GPSM1: variants seen among roughly 807,000 people sequenced by gnomAD.
GPSM1 encodes G protein signaling modulator 1.
GPSM1 carries 48 observed loss-of-function variants against 70.5 expected under a neutral mutation model. The observed-to-expected ratio is 0.68, with a 90% CI of 0.54 to 0.87. GPSM1 has a LOEUF of 0.87. GPSM1 is among the 40% of genes least tolerant of loss of function. The pLI is 0.00. For missense variants in GPSM1, 981 were observed against 972.6 expected, an observed-to-expected ratio of 1.01 and a Z score of -0.11; for synonymous variants, 416 against 430.1, an observed-to-expected ratio of 0.97 and a Z score of 0.41.
chr9:136,338,269 T>C (rs1396562158), intron 6 of GPSM1, among the ~76,000 whole-genome samples: 1 of 152,148 alleles, frequency 6.6e-6, no homozygotes, highest in East Asian at 1.9e-4. Context: ...CTTAACCCCA[T>C]CTCAGCCTGA....
At chr9:136,332,093 C>A in intron 1 of GPSM1, 1 of 399,364 alleles carries the variant, frequency 2.5e-6, no homozygotes, top group Non-Finnish European at 4.4e-6. Context: ...GCGCCCCCCG[C>A]CCCCGCCCGC....
chr9:136,333,028 A>G (rs554900306), intron 1 of GPSM1, among the ~76,000 whole-genome samples: 1 of 152,108 alleles, frequency 6.6e-6, no homozygotes, highest in Non-Finnish European at 1.5e-5. Context: ...AATAATGGTA[A>G]CATAAGTTTT....
At chr9:136,346,549 A>G (rs1832527227) in intron 9 of GPSM1, among the ~76,000 whole-genome samples, 1 of 152,008 alleles carries the variant, frequency 6.6e-6, no homozygotes, top group Non-Finnish European at 1.5e-5. Context: ...ACTGCCATTC[A>G]CTAGGTGGCA....
In GPSM1 at chr9:136,340,089, C is replaced by T. The variant is rs1554769943; in HGVS notation, c.1083+274C>T. On this transcript the variant is annotated intron_variant, in intron 8 of 13. Coordinates refer to ENST00000440944, the MANE Select transcript of GPSM1 (RefSeq NM_001145638.3). The surrounding 1 kb of genome is among the most constrained non-coding windows in gnomAD (Gnocchi z 7.3). Reference sequence around the variant, plus strand: ...GGTCTCTGTGGGCTCCGCCCATCAGCGCCCTCCTACTGTGGTCAGGGCGGA... The same window carrying T: ...GGTCTCTGTGGGCTCCGCCCATCAGTGCCCTCCTACTGTGGTCAGGGCGGA... Among the ~76,000 whole-genome samples, 2 of 152,228 alleles carry T rather than the reference C, an allele frequency of 1.3e-5. No individual in the cohort carries two copies. The highest frequency in any genetic ancestry group is 2.9e-5 in the Non-Finnish European group (2 of 68,030).
At chr9:136,333,087 G>A (rs28626972) in intron 1 of GPSM1, among the ~76,000 whole-genome samples, 8,538 of 152,252 alleles carry the variant, frequency 0.056, 357 homozygotes, top group African/African-American at 0.098. Flanking sequence ...TGATGGGGCC[G>A]GCCTGCAAGC....
chr9:136,336,759 C>G (rs1238027885), intron 3 of GPSM1, among the ~76,000 whole-genome samples, 162 bp from the exon 4 acceptor site: 2 of 152,144 alleles, frequency 1.3e-5, no homozygotes, highest in African/African-American at 2.4e-5. Context: ...CCGGGTGTGC[C>G]GTCCTCAGGC....
At chr9:136,351,014 C>T (rs572576563) in intron 11 of GPSM1, among the ~76,000 whole-genome samples, 18 of 152,306 alleles carry the variant, frequency 1.2e-4, no homozygotes, top group African/African-American at 2.9e-4. Context: ...GGGCCGAGTC[C>T]GGGTTCGGAG....
At chr9:136,327,821 G>C in intron 1 of GPSM1, 58 bp downstream of exon 1, 2 of 636,626 alleles carry the variant, frequency 3.1e-6, no homozygotes, top group Non-Finnish European at 4.3e-6. Flanking sequence ...GGGCCGGGTC[G>C]GGACGCGGGG....
rs1476660924 is a variant in GPSM1 at position 136,343,869 on chromosome 9, A to G, written c.1207+2876A>G. On this transcript the variant is annotated intron_variant, in intron 9 of 13. Coordinates refer to ENST00000440944, the MANE Select transcript of GPSM1 (RefSeq NM_001145638.3). The surrounding 1 kb of genome is among the most constrained non-coding windows in gnomAD (Gnocchi z 6.0). ...CCTTGGGCAGCCGCCGGGATGGAGG[A>G]TGCACCCTCTGTCCGTGCGCCTAAG... Among the ~76,000 whole-genome samples, 1 of 152,132 alleles carries G rather than the reference A, an allele frequency of 6.6e-6. No individual in the cohort carries two copies. Among genetic ancestry groups the G allele is most frequent in the Non-Finnish European group, 1.5e-5 (1 of 68,008 alleles).
chr9:136,339,042 G>T (rs1349438358), intron 7 of GPSM1, among the ~76,000 whole-genome samples: 1 of 152,180 alleles, frequency 6.6e-6, no homozygotes, highest in Non-Finnish European at 1.5e-5. Flanking sequence ...GTGCAGGTCT[G>T]GGGTGGGTGG....
At position 136,341,849 on chromosome 9, in the gene GPSM1, C is replaced by T. The variant is rs1323794221; in HGVS notation, c.1207+856C>T. The T allele has an allele frequency of 2.6e-5, 22 of 850,860 alleles. No homozygotes were observed. The highest frequency in any genetic ancestry group is 3.0e-5 in the Non-Finnish European group (21 of 707,096). 52.7% of individuals were successfully genotyped at this position (850,860 alleles called of 1,614,324 possible). On this transcript the variant is annotated intron_variant, in intron 9 of 13. Coordinates refer to ENST00000440944, the MANE Select transcript of GPSM1 (RefSeq NM_001145638.3). This position sits in a 1 kb window ranked among gnomAD's most constrained non-coding sequence, Gnocchi z 6.7. ...ATGTTTTTATAGAGATAGGGCCTCA[C>T]TATGTTGCCCAGGCCAGTGTCAAAC... is the stretch of plus-strand genomic sequence containing the variant.
At position 136,338,651 on chromosome 9, in the gene GPSM1, C is replaced by A. The variant is rs781927366; in HGVS notation, c.915C>A (p.Tyr305Ter). 1.9e-6 allele frequency: 3 copies of A among 1,594,654 alleles called. No homozygotes were observed. Among genetic ancestry groups the A allele is most frequent in the East Asian group, 4.5e-5 (2 of 44,180 alleles). Residue 305 changes from tyrosine (Y) to a stop codon, truncating the protein, a stop_gained, in exon 7 of 14, where the codon TAC becomes TAA. Transcript: ENST00000440944. LOFTEE classifies it high-confidence loss of function. ...ACACCTACACGCTGCTGCAGGACTA[C>A]GAGCGCGCGGCCGAGTACCACCTGC... is the stretch of plus-strand genomic sequence containing the variant. ...LGNTYTLLQD[Y>*]ERAAEYHLRH...
intron 6 of GPSM1, 73 bp from the exon 7 acceptor site, chr9:136,338,482 C>G: frequency 7.0e-7 from 1 of 1,420,556 alleles, no homozygotes. Context: ...GGGCAGACTG[C>G]GTCCCCATTC....
intron 1 of GPSM1, 68 bp downstream of exon 1, chr9:136,327,831 G>A (rs1554768114): frequency 1.7e-6 from 1 of 572,674 alleles, no homozygotes. Context: ...GGGACGCGGG[G>A]GAGGCTGCAG....
chr9:136,334,771 C>T (rs1832190945), intron 2 of GPSM1, 103 bp downstream of exon 2: 3 of 913,744 alleles, frequency 3.3e-6, no homozygotes, highest in South Asian at 3.0e-5. Context: ...CCTGCTGGCG[C>T]GGTGAGTGGG....
intron 13 of GPSM1, among the ~76,000 whole-genome samples, chr9:136,356,754 G>A (rs1252945989): frequency 6.6e-6 from 1 of 152,184 alleles, no homozygotes; most frequent in Non-Finnish European, 1.5e-5. Flanking sequence ...ACCCCGGGCT[G>A]CTGGAGACAC....
chr9:136,357,095 ACCT>A (rs1327688027), intron 13 of GPSM1, among the ~76,000 whole-genome samples: 5 of 152,152 alleles, frequency 3.3e-5, no homozygotes, highest in African/African-American at 7.2e-5. Context: ...GCCAGGAATG[ACCT>A]CCTCATCTGT....
chr9:136,333,294 G>T (rs868917442), intron 1 of GPSM1, among the ~76,000 whole-genome samples: 61 of 152,304 alleles, frequency 4.0e-4, no homozygotes, highest in Middle Eastern at 3.4e-3. Context: ...TCCTCCCCCC[G>T]CGACCCTCCA....
chr9:136,334,349 C>T, intron 1 of GPSM1, 98 bp from the exon 2 acceptor site: 2 of 797,994 alleles, frequency 2.5e-6, no homozygotes, highest in South Asian at 1.6e-5. Flanking sequence ...GTGCCCTAGC[C>T]CACCCAGGGG....
Sources: allele counts gnomAD v4.1 joint callset (sites outside exome capture counted in the v4.1 genomes callset), GRCh38; gene constraint gnomAD v4.1.1; non-coding constraint Gnocchi (gnomAD v3.1); transcripts MANE v1.5; gene names NCBI Gene and HGNC (gene_info 2026-07-23, HGNC 2026-07-21).